CALN1: variants seen among roughly 807,000 people sequenced by gnomAD.
CALN1 encodes calneuron 1.
Under a neutral mutation model 30.6 loss-of-function variants are expected in CALN1, and 17 were observed. The ratio of observed to expected loss-of-function variants is 0.56; its 90% CI spans 0.38 to 0.83. CALN1 has a LOEUF of 0.83. CALN1 is among the 40% of genes least tolerant of loss of function. The pLI is 0.00. For synonymous variants in CALN1, 156 were observed against 131.4 expected, an observed-to-expected ratio of 1.19 and a Z score of -1.28; for missense variants, 291 against 354.9, an observed-to-expected ratio of 0.82 and a Z score of 1.45.
intron 5 of CALN1, among the ~76,000 whole-genome samples, chr7:71,887,092 A>T (rs1277731342): frequency 6.6e-6 from 1 of 152,092 alleles, no homozygotes; most frequent in Non-Finnish European, 1.5e-5. Flanking sequence ...GTGAAGGTGT[A>T]AGGAGGATGG....
Position 72,421,573 on chromosome 7 carries a change from CTTTTTTTTT to C in CALN1, c.-225-9307_-225-9299del, listed in dbSNP as rs772198450. On this transcript the variant is annotated intron_variant, in intron 1 of 6. Transcript: ENST00000395276. The stretch of plus-strand genomic sequence containing the variant: ...GATGATAAGATTTCATTTTATCCTA[CTTTTTTTTT>C]TTTTTTTTTTTTTTTTTTTAGACTA... Among the ~76,000 whole-genome samples, 3 of 58,624 alleles carry C rather than the reference CTTTTTTTTT, an allele frequency of 5.1e-5. 1 individual carries two copies. The highest frequency in any genetic ancestry group is 8.5e-5 in the African/African-American group (1 of 11,784). 38.5% of individuals were successfully genotyped at this position (58,624 alleles called of 152,430 possible).
At chr7:72,225,473 C>CT (rs1793604982) in intron 3 of CALN1, among the ~76,000 whole-genome samples, 1 of 152,054 alleles carries the variant, frequency 6.6e-6, no homozygotes, top group South Asian at 2.1e-4. Context: ...GTTGGTCAAG[C>CT]TTCAAAAGGA....
chr7:72,360,586 T>C (rs1048108809), intron 2 of CALN1, among the ~76,000 whole-genome samples: 2 of 150,726 alleles, frequency 1.3e-5, no homozygotes, highest in African/African-American at 4.9e-5. Context: ...AAATAAATAC[T>C]GTAACACTTT....
chr7:72,084,214 GCAAAA>G (rs965020206), intron 4 of CALN1, among the ~76,000 whole-genome samples: 3 of 151,772 alleles, frequency 2.0e-5, no homozygotes, highest in Non-Finnish European at 4.4e-5. Context: ...ATCTCAAAAA[GCAAAA>G]CAAAACAAAA....
chr7:71,910,434 T>C (rs1794368487), intron 5 of CALN1, among the ~76,000 whole-genome samples: 1 of 152,176 alleles, frequency 6.6e-6, no homozygotes, highest in Non-Finnish European at 1.5e-5. Context: ...TCAGGAAATA[T>C]TGGTGAACAC....
chr7:72,456,443 C>A, the CALN1 span, among the ~76,000 whole-genome samples: 1 of 152,124 alleles, frequency 6.6e-6, no homozygotes, highest in Non-Finnish European at 1.5e-5. Flanking sequence ...AAAGCTGAGG[C>A]AAGAGGCTTG....
At chr7:72,070,244 G>A (rs1804296873) in intron 4 of CALN1, among the ~76,000 whole-genome samples, 1 of 152,190 alleles carries the variant, frequency 6.6e-6, no homozygotes, top group Non-Finnish European at 1.5e-5. Flanking sequence ...AATCATTATG[G>A]CATTCCCATC....
intron 4 of CALN1, among the ~76,000 whole-genome samples, chr7:72,069,619 C>T (rs181898945): frequency 1.7e-3 from 254 of 152,240 alleles, no homozygotes; most frequent in Non-Finnish European, 3.0e-3. Flanking sequence ...CAGAGGGATA[C>T]AGGATGGCAA....
chr7:72,351,645 A>G (rs1802928880), intron 2 of CALN1, among the ~76,000 whole-genome samples: 1 of 152,198 alleles, frequency 6.6e-6, no homozygotes, highest in Admixed American at 6.5e-5. Flanking sequence ...TCACACTGTT[A>G]TATTTGAAGG....
chr7:72,270,521 C>T (rs1796905740), intron 3 of CALN1, among the ~76,000 whole-genome samples: 1 of 152,058 alleles, frequency 6.6e-6, no homozygotes, highest in Non-Finnish European at 1.5e-5. Context: ...CCTGTAATCC[C>T]AGTACTTTGG....
chr7:72,419,425 C>T lies in CALN1; in HGVS notation c.-225-7150G>A, dbSNP rs147345295. Among the ~76,000 whole-genome samples, 379 of 152,252 alleles carry T rather than the reference C, an allele frequency of 2.5e-3. 2 individuals are homozygous for T. Among genetic ancestry groups the T allele is most frequent in the African/African-American group, 8.7e-3 (362 of 41,542 alleles). Reference sequence around the variant, plus strand: ...GCAGGGCATTTGGCTGCCGTATTTTCCTCAGGATTCATGTCTGGATTGGCT... The same window carrying T: ...GCAGGGCATTTGGCTGCCGTATTTTTCTCAGGATTCATGTCTGGATTGGCT... On this transcript the variant is annotated intron_variant, in intron 1 of 6. Transcript: ENST00000395276.
chr7:71,906,685 A>C lies in CALN1; in HGVS notation c.502-96193T>G, dbSNP rs529933308. 3.4e-4 allele frequency among the ~76,000 whole-genome samples: 52 copies of C among 152,278 alleles called. No homozygotes were observed. The Middle Eastern group carries it at 0.01, about 30-fold the overall frequency. On this transcript the variant is annotated intron_variant, in intron 5 of 6. Coordinates refer to ENST00000395275, the MANE Select transcript of CALN1 (RefSeq NM_031468.4). Reference sequence around the variant, plus strand: ...GCAAATTGGACAACCAGATTTTAAAAACCAAGCAAATGAGCAAACTTCAAA... The same window carrying C: ...GCAAATTGGACAACCAGATTTTAAACACCAAGCAAATGAGCAAACTTCAAA...
intron 2 of CALN1, among the ~76,000 whole-genome samples, chr7:72,282,796 G>C (rs985931624): frequency 6.6e-6 from 1 of 152,192 alleles, no homozygotes; most frequent in African/African-American, 2.4e-5. Flanking sequence ...GCTCATGCCT[G>C]TAAACCCAGA....
intron 6 of CALN1, among the ~76,000 whole-genome samples, chr7:71,795,641 C>T (rs1006794953): frequency 3.9e-5 from 6 of 152,216 alleles, no homozygotes; most frequent in Admixed American, 6.5e-5. Flanking sequence ...TCATTCCGCT[C>T]GCTCTGCAGC....
intron 5 of CALN1, among the ~76,000 whole-genome samples, chr7:71,870,721 G>A (rs1381348473): frequency 6.6e-6 from 1 of 152,186 alleles, no homozygotes; most frequent in Admixed American, 6.6e-5. Flanking sequence ...AACGTACTGA[G>A]GAGGAAAATG....
chr7:72,066,663 A>G (rs1804041682), intron 4 of CALN1, among the ~76,000 whole-genome samples: 1 of 152,170 alleles, frequency 6.6e-6, no homozygotes, highest in Non-Finnish European at 1.5e-5. Context: ...ATCAGGCTGG[A>G]GTACAGTGGC....
At chr7:72,054,106 C>G (rs1052993750) in intron 4 of CALN1, among the ~76,000 whole-genome samples, 3 of 151,978 alleles carry the variant, frequency 2.0e-5, no homozygotes, top group Admixed American at 2.0e-4. Context: ...TATAAACACG[C>G]ATGTGCAAGT....
At chr7:72,385,268 T>G (rs998788137) in intron 2 of CALN1, among the ~76,000 whole-genome samples, 1 of 152,190 alleles carries the variant, frequency 6.6e-6, no homozygotes, top group Non-Finnish European at 1.5e-5. Flanking sequence ...GTTAATCTTA[T>G]CACATGATTC....
At chr7:72,384,495 T>C (rs1199157332) in intron 2 of CALN1, among the ~76,000 whole-genome samples, 2 of 152,106 alleles carry the variant, frequency 1.3e-5, no homozygotes, top group African/African-American at 4.8e-5. Context: ...AAAATGGGGC[T>C]TGGTGTTGTG....
Sources: allele counts gnomAD v4.1 joint callset (sites outside exome capture counted in the v4.1 genomes callset), GRCh38; gene constraint gnomAD v4.1.1; transcripts MANE v1.5; gene names NCBI Gene and HGNC (gene_info 2026-07-23, HGNC 2026-07-21).